POLR3A: variants seen among roughly 807,000 people sequenced by gnomAD.
POLR3A encodes RNA polymerase III subunit A.
POLR3A carries 112 observed loss-of-function variants against 152.8 expected under a neutral mutation model. The observed-to-expected ratio is 0.73, with a 90% CI of 0.63 to 0.86. The LOEUF (loss-of-function observed/expected upper bound fraction) is 0.86, where lower values mean the gene tolerates loss of function less well. POLR3A is among the 40% of genes least tolerant of loss of function. POLR3A has a pLI of 0.00. For synonymous variants in POLR3A, 615 were observed against 652.1 expected, an observed-to-expected ratio of 0.94 and a Z score of 0.87; for missense variants, 1,385 against 1,743.1, an observed-to-expected ratio of 0.79 and a Z score of 3.66.
chr10:77,992,999 A>C (rs1847264117), intron 20 of POLR3A, among the ~76,000 whole-genome samples, 198 bp downstream of exon 20: 1 of 152,174 alleles, frequency 6.6e-6, no homozygotes, highest in African/African-American at 2.4e-5. Flanking sequence ...CACAGGCATA[A>C]GCCATTGTGC....
intron 19 of POLR3A, among the ~76,000 whole-genome samples, chr10:77,999,090 A>G (rs1241425178): frequency 1.3e-5 from 2 of 152,156 alleles, no homozygotes; most frequent in African/African-American, 4.8e-5. Flanking sequence ...TCATAGGTGG[A>G]AATTGAACAA....
chr10:78,012,130 C>T (rs780209847), intron 11 of POLR3A, among the ~76,000 whole-genome samples: 1 of 152,080 alleles, frequency 6.6e-6, no homozygotes. Context: ...CTGGGGAGGC[C>T]GAATCGGGCG....
chr10:78,005,008 A>G (rs1847397452), intron 15 of POLR3A, 120 bp from the exon 16 acceptor site: 3 of 766,218 alleles, frequency 3.9e-6, no homozygotes, highest in Admixed American at 4.0e-5. Context: ...TGTATAGTTT[A>G]AAGTATAAAA....
intron 15 of POLR3A, 137 bp from the exon 16 acceptor site, chr10:78,005,025 A>G (rs944495518): frequency 4.5e-5 from 33 of 728,602 alleles, no homozygotes; most frequent in South Asian, 2.8e-4. Flanking sequence ...AAAAAAGTGT[A>G]TATCTTCACA....
chr10:77,992,709 A>G (rs1036268087), intron 20 of POLR3A, among the ~76,000 whole-genome samples: 4 of 151,634 alleles, frequency 2.6e-5, no homozygotes, highest in Non-Finnish European at 5.9e-5. Context: ...AATTCTTTAA[A>G]AAATATTTTT....
At chr10:78,015,813 C>A (rs1847518179) in intron 10 of POLR3A, among the ~76,000 whole-genome samples, 1 of 152,026 alleles carries the variant, frequency 6.6e-6, no homozygotes, top group Non-Finnish European at 1.5e-5. Context: ...TGTGCCATTG[C>A]CAGTCAAAAA....
At chr10:77,980,336 GCACGGTGCA>G in intron 29 of POLR3A, 63 bp from the exon 30 acceptor site, 1 of 1,513,458 alleles carries the variant, frequency 6.6e-7, no homozygotes, top group Non-Finnish European at 9.2e-7. Flanking sequence ...CGAAACCAAA[GCACGGTGCA>G]CCTTCAATAC....
chr10:78,009,461 C>G (rs1302476569), intron 14 of POLR3A, 76 bp downstream of exon 14: 1 of 1,595,232 alleles, frequency 6.3e-7, no homozygotes, highest in Non-Finnish European at 8.6e-7. Context: ...CGCGAAGGTA[C>G]CAGCAAAGCT....
rs151150380 is a variant in POLR3A, at chr10:77,982,576, A to G, written c.3594+77T>C. 7.8e-4 allele frequency: 1,038 copies of G among 1,331,126 alleles called. 8 individuals carry two copies. The African/African-American group carries it at 0.014, about 17-fold the overall frequency. 82.5% of individuals were successfully genotyped at this position (1,331,126 alleles called of 1,614,324 possible). Reference sequence around the variant, plus strand: ...AATTAAGAAATCGGACTAAGTGACAAAGCCCTTAGGTCCCAGCCCTGGGTG... The same window carrying G: ...AATTAAGAAATCGGACTAAGTGACAGAGCCCTTAGGTCCCAGCCCTGGGTG... On this transcript the variant is annotated intron_variant, in intron 27 of 30. Transcript: ENST00000372371.
chr10:78,007,847 A>G lies in POLR3A; in HGVS notation c.1929T>C (p.Ser643=). Reference sequence around the variant, plus strand: ...TGTCCATGCTGCCACTCATCAACTCACTGTTCTGGATTGTAACATCTGGAA... The same window carrying G: ...TGTCCATGCTGCCACTCATCAACTCGCTGTTCTGGATTGTAACATCTGGAA... ...ANDSYVTIQN[S]ELMSGSMDKG... The change falls in exon 15 of 31, where the codon AGT becomes AGC. Residue 643 remains serine, a synonymous_variant. Coordinates refer to ENST00000372371, the MANE Select transcript of POLR3A (RefSeq NM_007055.4). 6.2e-7 allele frequency: 1 copy of G among 1,613,168 alleles called. No individual in the cohort carries two copies. Among genetic ancestry groups the G allele is most frequent in the Non-Finnish European group, 8.5e-7 (1 of 1,179,150 alleles).
chr10:78,022,688 C>T (rs1232071897), intron 5 of POLR3A, among the ~76,000 whole-genome samples: 2 of 151,922 alleles, frequency 1.3e-5, no homozygotes, highest in African/African-American at 4.8e-5. Flanking sequence ...ATCCGTGTGA[C>T]AGAATAGGAA....
At chr10:78,026,007 G>A (rs1306683994) in intron 2 of POLR3A, 87 bp downstream of exon 2, 1 of 1,532,872 alleles carries the variant, frequency 6.5e-7, no homozygotes, top group East Asian at 2.3e-5. Flanking sequence ...GAGATGGAAG[G>A]AAGCCCCTGC....
intron 5 of POLR3A, among the ~76,000 whole-genome samples, chr10:78,022,769 C>T (rs549601643): frequency 3.3e-5 from 5 of 152,106 alleles, no homozygotes; most frequent in African/African-American, 9.6e-5. Context: ...AATAAAATCA[C>T]GGTATATCCC....
At chr10:77,990,023 C>A (rs1043116258) in intron 21 of POLR3A, among the ~76,000 whole-genome samples, 2 of 152,126 alleles carry the variant, frequency 1.3e-5, no homozygotes, top group African/African-American at 4.8e-5. Flanking sequence ...AAGCTTCACT[C>A]GCTGTTTTTA....
In POLR3A at chr10:77,984,190, G is replaced by A. The variant is rs376744466; in HGVS notation, c.3336+15C>T. The stretch of plus-strand genomic sequence containing the variant: ...TGAGCTAGTTTTCTTGTTATCAATA[G>A]GGATTTCTTCTTACCTCTCCCAAGA... On this transcript the variant is annotated intron_variant, in intron 25 of 30. Transcript: ENST00000372371. The A allele has an allele frequency of 7.2e-6, 11 of 1,533,288 alleles. No individual in the cohort carries two copies. Among genetic ancestry groups the A allele is most frequent in the African/African-American group, 2.7e-5 (2 of 73,290 alleles). The allele number at this position is 1,533,288 out of a possible 1,614,324, so 95.0% of individuals were successfully genotyped here. A position where few individuals can be genotyped will look rare whatever the true frequency, so the allele number is the denominator to read the frequency against.
At chr10:78,004,692 C>A (rs1847393275) in intron 16 of POLR3A, 24 bp downstream of exon 16, 1 of 1,604,646 alleles carries the variant, frequency 6.2e-7, no homozygotes, top group Non-Finnish European at 8.5e-7. Context: ...AAGTGGCGAC[C>A]CTGAACCAAA....
Position 78,024,687 on chromosome 10 carries a change from A to G in POLR3A, c.507T>C (p.Cys169=). Residue 169 remains cysteine (C), a synonymous_variant, in exon 5 of 31, where the codon TGT becomes TGC. Transcript: ENST00000372371. The part of the protein sequence containing the change: ...CGAFNGTVKK[C]GLLKIIHEKY... ...TCTCATGAATTATTTTCAGCAGTCC[A>G]CACTTCTTTACGGTACCTATAAGGG... 1.1e-5 allele frequency: 18 copies of G among 1,613,612 alleles called. No individual in the cohort carries two copies. Among genetic ancestry groups the G allele is most frequent in the Non-Finnish European group, 1.4e-5 (17 of 1,179,536 alleles).
chr10:78,026,148 G>A lies in POLR3A; in HGVS notation c.126C>T (p.Tyr42=), dbSNP rs1564624254. The change falls in exon 2 of 31, where the codon TAC becomes TAT. Residue 42 remains tyrosine, a synonymous_variant. Transcript: ENST00000372371. The part of the protein sequence containing the change: ...AHIQVVSKNL[Y]SQDNQHAPLL... ...AGGGGGCATGTTGGTTGTCCTGGCT[G>A]TACAGGTTCTTACTCACAACTTGGA... 15 of 1,614,104 alleles carry A rather than the reference G, an allele frequency of 9.3e-6. No individual in the cohort carries two copies. Among genetic ancestry groups the A allele is most frequent in the Non-Finnish European group, 1.3e-5 (15 of 1,180,034 alleles).
chr10:78,018,337 A>G (rs996347466), intron 9 of POLR3A, among the ~76,000 whole-genome samples: 1 of 151,806 alleles, frequency 6.6e-6, no homozygotes, highest in East Asian at 1.9e-4. Context: ...CGTCGCTACT[A>G]AAAATACAAA....
Sources: gnomAD v4.1 joint callset for allele counts (sites outside exome capture counted in the v4.1 genomes callset) on GRCh38, gnomAD v4.1.1 for gene constraint, MANE v1.5 for transcripts, NCBI Gene and HGNC (gene_info 2026-07-23, HGNC 2026-07-21) for gene names.